The following SDK2 variants were observed in gnomAD, a reference collection of about 807,000 sequenced individuals.
SDK2 encodes the protein protein sidekick-2.
Under a neutral mutation model 253.9 loss-of-function variants are expected in SDK2, and 105 were observed. That is an observed-to-expected ratio of 0.41 (90% confidence interval 0.35 to 0.49). The LOEUF is 0.49. SDK2 is among the 20% of genes least tolerant of loss of function. The pLI, the probability that SDK2 is intolerant of heterozygous loss-of-function variation, is 0.06. For missense variants in SDK2, 2,608 were observed against 3,003.0 expected (o/e 0.87, Z 3.07); for synonymous variants, 1,249 against 1,234.9 (o/e 1.01, Z -0.24).
At chr17:73,456,112 C>T in intron 3 of SDK2, 59 bp from the exon 4 acceptor site, 1 of 1,417,364 alleles carries the variant, frequency 7.1e-7, no homozygotes, top group African/African-American at 1.5e-5. Context: ...AGGGACTGCC[C>T]AGCTCCCAGG....
At chr17:73,540,979 C>T (rs1320534646) in intron 1 of SDK2, among the ~76,000 whole-genome samples, 5 of 152,244 alleles carry the variant, frequency 3.3e-5, no homozygotes, top group East Asian at 1.9e-4. Flanking sequence ...CTACACCGTA[C>T]ACCCCAGCCT....
At chr17:73,494,396 C>T (rs980742587) in intron 2 of SDK2, among the ~76,000 whole-genome samples, 15 of 152,228 alleles carry the variant, frequency 9.9e-5, no homozygotes, top group East Asian at 1.9e-4. Flanking sequence ...CCCCCTGCAC[C>T]GGTGTCCTCA....
chr17:73,507,096 CGA>C (rs1479840714), intron 2 of SDK2, among the ~76,000 whole-genome samples: 1 of 152,206 alleles, frequency 6.6e-6, no homozygotes, highest in Non-Finnish European at 1.5e-5. Context: ...TGGCAGTGTT[CGA>C]GAGAGTGAGC....
chr17:73,373,200 T>C (rs1271968706), intron 36 of SDK2, among the ~76,000 whole-genome samples: 1 of 152,254 alleles, frequency 6.6e-6, no homozygotes, highest in Non-Finnish European at 1.5e-5. Flanking sequence ...AACAGCAGGA[T>C]TTCCTTCAAG....
At chr17:73,530,687 T>C (rs981076073) in intron 1 of SDK2, among the ~76,000 whole-genome samples, 30 of 152,210 alleles carry the variant, frequency 2.0e-4, no homozygotes, top group Admixed American at 6.5e-5. Context: ...CCCTTTCACC[T>C]GGTCTTACAG....
chr17:73,555,550 T>C (rs984846314), intron 1 of SDK2, among the ~76,000 whole-genome samples: 16 of 152,294 alleles, frequency 1.1e-4, no homozygotes, highest in African/African-American at 3.4e-4. Flanking sequence ...CAGAGGGGAC[T>C]TGGAGGTCAC....
chr17:73,611,202 A>C (rs2045970333), intron 1 of SDK2, among the ~76,000 whole-genome samples: 1 of 152,094 alleles, frequency 6.6e-6, no homozygotes. Flanking sequence ...TTAGAATCTC[A>C]CTTTCTCTCC....
At chr17:73,536,046 T>C (rs2044766959) in intron 1 of SDK2, among the ~76,000 whole-genome samples, 1 of 152,188 alleles carries the variant, frequency 6.6e-6, no homozygotes, top group Admixed American at 6.5e-5. Context: ...GTGCTTTGCC[T>C]ACACTAGCAA....
At chr17:73,426,070 A>AATCTC (rs1268084915) in intron 12 of SDK2, among the ~76,000 whole-genome samples, 2 of 151,432 alleles carry the variant, frequency 1.3e-5, no homozygotes, top group East Asian at 2.0e-4. Flanking sequence ...TTTGAGACAG[A>AATCTC]ATCTCACTCT....
At chr17:73,404,449 C>T (rs1047980237) in intron 18 of SDK2, among the ~76,000 whole-genome samples, 2 of 152,172 alleles carry the variant, frequency 1.3e-5, no homozygotes, top group Admixed American at 6.6e-5. Context: ...ACAGGGCTTC[C>T]ACCTGTTGAA....
intron 14 of SDK2, among the ~76,000 whole-genome samples, chr17:73,423,075 C>A (rs1021057997): frequency 6.7e-6 from 1 of 149,112 alleles, no homozygotes; most frequent in South Asian, 2.1e-4. Context: ...GCGAATTATG[C>A]CTGCTCATTT....
chr17:73,479,696 T>C (rs1599605057), intron 2 of SDK2, among the ~76,000 whole-genome samples: 1 of 152,216 alleles, frequency 6.6e-6, no homozygotes, highest in East Asian at 1.9e-4. Context: ...CTTATTTTTA[T>C]TTATTTATTT....
intron 1 of SDK2, among the ~76,000 whole-genome samples, chr17:73,558,554 G>C (rs2045180375): frequency 6.6e-6 from 1 of 152,150 alleles, no homozygotes; most frequent in Admixed American, 6.5e-5. Context: ...TGCATTGACT[G>C]TATCTCCTTT....
At chr17:73,460,150 A>G (rs539811539) in intron 3 of SDK2, among the ~76,000 whole-genome samples, 2 of 152,318 alleles carry the variant, frequency 1.3e-5, no homozygotes, top group African/African-American at 4.8e-5. Flanking sequence ...GAAACGATAC[A>G]GCTGCCACCT....
intron 15 of SDK2, 25 bp from the exon 16 acceptor site, chr17:73,419,331 T>C: frequency 6.2e-7 from 1 of 1,605,918 alleles, no homozygotes; most frequent in Non-Finnish European, 8.5e-7. Context: ...ACCAATGCTC[T>C]TAGTCTTGGG....
In SDK2 at chr17:73,391,456, G is replaced by A; in HGVS notation, c.3981C>T (p.Pro1327=). ...VRLIWQPPAA[P]NGIILAYQIT... ...AAGGCTTACCAAGAATGATGCCATTGGGGGCGGCAGGGGGCTGCCAGATCA... is the reference window on the plus strand; with the variant it reads ...AAGGCTTACCAAGAATGATGCCATTAGGGGCGGCAGGGGGCTGCCAGATCA... Residue 1327 remains proline, a synonymous_variant, in exon 28 of 45, where the codon CCC becomes CCT. Transcript: ENST00000392650. The A allele has an allele frequency of 1.5e-6, 2 of 1,309,476 alleles. No individual in the cohort carries two copies. The highest frequency in any genetic ancestry group is 2.0e-6 in the Non-Finnish European group (2 of 1,020,234). The allele number at this position is 1,309,476 out of a possible 1,614,324, so 81.1% of individuals were successfully genotyped here.
intron 1 of SDK2, among the ~76,000 whole-genome samples, chr17:73,636,302 C>T (rs1170235938): frequency 1.3e-5 from 2 of 152,002 alleles, no homozygotes; most frequent in Admixed American, 6.6e-5. Flanking sequence ...TGTAATGCAC[C>T]TTGCCATGTC....
intron 2 of SDK2, among the ~76,000 whole-genome samples, chr17:73,480,148 G>T (rs187611900): frequency 6.6e-6 from 1 of 152,324 alleles, no homozygotes; most frequent in African/African-American, 2.4e-5. Context: ...GTTCACAGAT[G>T]AGAAAAACGG....
intron 3 of SDK2, among the ~76,000 whole-genome samples, chr17:73,463,521 T>C (rs6501641): frequency 0.99 from 150,691 of 152,266 alleles, 74,580 homozygotes; most frequent in Middle Eastern, 1. Context: ...TCCCCTACCC[T>C]GGATCTCCCC....
Sources: gnomAD v4.1 joint callset for allele counts (sites outside exome capture counted in the v4.1 genomes callset) on GRCh38, gnomAD v4.1.1 for gene constraint, MANE v1.5 for transcripts, NCBI Gene and HGNC (gene_info 2026-07-23, HGNC 2026-07-21) for gene names.